Variants in NKAIN2 observed in about 807,000 individuals in gnomAD.
The protein encoded by NKAIN2 is sodium/potassium-transporting ATPase subunit beta-1-interacting protein 2.
NKAIN2 carries 14 observed loss-of-function variants against 32.6 expected under a neutral mutation model. The observed-to-expected ratio is 0.43, with a 90% CI of 0.28 to 0.67. NKAIN2 has a LOEUF of 0.67. Among genes scored for constraint, NKAIN2 ranks in the 30% least tolerant of loss-of-function variants. The pLI is 0.17. For missense variants in NKAIN2, 198 were observed against 258.3 expected (o/e 0.77, Z 1.60); for synonymous variants, 80 against 87.2 (o/e 0.92, Z 0.46).
At chr6:124,676,220 T>A (rs564809117) in intron 4 of NKAIN2, among the ~76,000 whole-genome samples, 2 of 152,274 alleles carry the variant, frequency 1.3e-5, no homozygotes, top group South Asian at 4.1e-4. Flanking sequence ...CTTAAATCTG[T>A]CATGACTTAT....
At chr6:123,919,212 T>C (rs934735020) in intron 1 of NKAIN2, among the ~76,000 whole-genome samples, 34 of 152,128 alleles carry the variant, frequency 2.2e-4, no homozygotes, top group African/African-American at 7.2e-4. Flanking sequence ...ATCATAAACA[T>C]ATATATACAT....
intron 3 of NKAIN2, among the ~76,000 whole-genome samples, chr6:124,401,230 G>A (rs563218222): frequency 1.3e-5 from 2 of 152,208 alleles, no homozygotes; most frequent in East Asian, 3.9e-4. Context: ...GAGTGAAATT[G>A]CTGGGAAGGT....
At chr6:124,454,923 CT>C (rs1261176902) in intron 3 of NKAIN2, among the ~76,000 whole-genome samples, 2 of 151,916 alleles carry the variant, frequency 1.3e-5, no homozygotes, top group African/African-American at 4.8e-5. Flanking sequence ...AGCACTCAGC[CT>C]TGACAATGTA....
chr6:123,808,024 A>C (rs1199607953), intron 1 of NKAIN2, among the ~76,000 whole-genome samples: 1 of 152,122 alleles, frequency 6.6e-6, no homozygotes, highest in African/African-American at 2.4e-5. Context: ...AGATGTTGTG[A>C]GTGTAGACTA....
intron 1 of NKAIN2, among the ~76,000 whole-genome samples, chr6:124,232,650 C>T (rs1192645604): frequency 6.6e-6 from 1 of 152,132 alleles, no homozygotes; most frequent in Non-Finnish European, 1.5e-5. Context: ...CTGATTGAAT[C>T]TGTGTATTTT....
intron 4 of NKAIN2, among the ~76,000 whole-genome samples, chr6:124,771,587 G>A (rs562806783): frequency 1.7e-3 from 256 of 152,192 alleles, no homozygotes; most frequent in African/African-American, 6.0e-3. Flanking sequence ...ATAATACAAT[G>A]GGATTTAACA....
chr6:124,117,697 C>T (rs975913682), intron 1 of NKAIN2, among the ~76,000 whole-genome samples: 3 of 151,792 alleles, frequency 2.0e-5, no homozygotes, highest in African/African-American at 7.2e-5. Context: ...TTGGTTATTA[C>T]ATTCAAATTA....
intron 1 of NKAIN2, among the ~76,000 whole-genome samples, chr6:124,083,812 A>G (rs902721050): frequency 6.6e-6 from 1 of 151,912 alleles, no homozygotes; most frequent in African/African-American, 2.4e-5. Context: ...TGCAATTTTC[A>G]TTTGTGTACT....
At chr6:124,365,412 G>C (rs988747429) in intron 3 of NKAIN2, among the ~76,000 whole-genome samples, 1 of 151,806 alleles carries the variant, frequency 6.6e-6, no homozygotes, top group African/African-American at 2.4e-5. Flanking sequence ...ATGAGGTAAT[G>C]TTTAAGGCAG....
At chr6:124,387,116 C>T (rs1178088364) in intron 3 of NKAIN2, among the ~76,000 whole-genome samples, 11 of 152,014 alleles carry the variant, frequency 7.2e-5, no homozygotes. Context: ...ATGCATTTTC[C>T]ATGAACTTTT....
chr6:124,402,835 A>G (rs1288837144), intron 3 of NKAIN2, among the ~76,000 whole-genome samples: 1 of 152,206 alleles, frequency 6.6e-6, no homozygotes, highest in Non-Finnish European at 1.5e-5. Context: ...AAAGGTGGAA[A>G]AACTACCTAT....
intron 1 of NKAIN2, among the ~76,000 whole-genome samples, chr6:123,840,522 T>C (rs1163881913): frequency 6.6e-6 from 1 of 152,108 alleles, no homozygotes; most frequent in South Asian, 2.1e-4. Flanking sequence ...AGAAAAACAA[T>C]AATAATTTTT....
At chr6:124,601,075 G>T (rs550999816) in intron 3 of NKAIN2, among the ~76,000 whole-genome samples, 1 of 152,112 alleles carries the variant, frequency 6.6e-6, no homozygotes, top group African/African-American at 2.4e-5. Flanking sequence ...GGATAATATT[G>T]TACTCATTTA....
intron 1 of NKAIN2, among the ~76,000 whole-genome samples, chr6:124,063,660 G>A (rs1783023617): frequency 6.6e-6 from 1 of 152,020 alleles, no homozygotes; most frequent in African/African-American, 2.4e-5. Flanking sequence ...AGAGGGTTCA[G>A]ACAAAAATCC....
chr6:124,711,664 C>T lies in NKAIN2; in HGVS notation c.474+53278C>T, dbSNP rs987877041. Among the ~76,000 whole-genome samples, 4 of 151,796 alleles carry T rather than the reference C, an allele frequency of 2.6e-5. No homozygotes were observed. The East Asian group carries it at 5.9e-4, about 22-fold the overall frequency. On this transcript the variant is annotated intron_variant, in intron 4 of 6. Coordinates refer to ENST00000368417, the MANE Select transcript of NKAIN2 (RefSeq NM_001040214.3). Reference sequence around the variant, plus strand: ...GTAGTTCTCGAGCCTTGGTTTTCAGCTCCATCAGCTCCTTTAAGCATTTCT... The same window carrying T: ...GTAGTTCTCGAGCCTTGGTTTTCAGTTCCATCAGCTCCTTTAAGCATTTCT...
At chr6:124,409,630 A>T (rs553557016) in intron 3 of NKAIN2, among the ~76,000 whole-genome samples, 2 of 152,304 alleles carry the variant, frequency 1.3e-5, no homozygotes, top group South Asian at 4.1e-4. Context: ...ATCAATGTTC[A>T]TCAAGGATAT....
chr6:124,184,853 T>C (rs890560260), intron 1 of NKAIN2, among the ~76,000 whole-genome samples: 1 of 152,086 alleles, frequency 6.6e-6, no homozygotes, highest in Admixed American at 6.6e-5. Flanking sequence ...TTTCAGCAAC[T>C]GTTAACCATG....
intron 3 of NKAIN2, among the ~76,000 whole-genome samples, chr6:124,487,642 A>G (rs989261862): frequency 6.6e-6 from 1 of 152,142 alleles, no homozygotes; most frequent in Admixed American, 6.6e-5. Flanking sequence ...ATTTTTATCA[A>G]AGGGAAACAC....
chr6:123,884,275 A>G (rs1298541029), intron 1 of NKAIN2, among the ~76,000 whole-genome samples: 1 of 152,170 alleles, frequency 6.6e-6, no homozygotes, highest in Non-Finnish European at 1.5e-5. Context: ...CGTGCAAAGA[A>G]CATATTTCAT....
Sources: allele counts gnomAD v4.1 joint callset (sites outside exome capture counted in the v4.1 genomes callset), GRCh38; gene constraint gnomAD v4.1.1; transcripts MANE v1.5; gene names NCBI Gene and HGNC (gene_info 2026-07-23, HGNC 2026-07-21).